Variants in HPCAL1 observed in about 807,000 individuals in gnomAD.
HPCAL1 encodes the protein hippocalcin-like protein 1.
A neutral mutation model predicts 17.1 loss-of-function variants in HPCAL1; 8 were observed. The observed-to-expected ratio is 0.47, with a 90% CI of 0.27 to 0.84. The LOEUF (loss-of-function observed/expected upper bound fraction) is 0.84. Among genes scored for constraint, HPCAL1 ranks in the 40% least tolerant of loss-of-function variants. The probability of loss-of-function intolerance (pLI) is 0.13; values close to 1 mark genes in which losing one functional copy is unlikely to be tolerated. For missense variants in HPCAL1, 165 were observed against 271.1 expected, an observed-to-expected ratio of 0.61 and a Z score of 2.75; for synonymous variants, 112 against 111.4, an observed-to-expected ratio of 1.01 and a Z score of -0.03.
chr2:10,413,424 A>G (rs1670470457), intron 2 of HPCAL1, among the ~76,000 whole-genome samples: 1 of 152,244 alleles, frequency 6.6e-6, no homozygotes, highest in Non-Finnish European at 1.5e-5. Flanking sequence ...CAACCACAGC[A>G]AGAGTGTCCA....
At chr2:10,303,296 TG>T (rs1662384292) in intron 1 of HPCAL1, 119 bp downstream of exon 1, 2 of 147,990 alleles carry the variant, frequency 1.4e-5, no homozygotes, top group African/African-American at 5.4e-5. Context: ...TGTGCGCGCG[TG>T]TGTGTGTCCG....
At chr2:10,350,724 T>G (rs1353226859) in intron 1 of HPCAL1, among the ~76,000 whole-genome samples, 2 of 152,140 alleles carry the variant, frequency 1.3e-5, no homozygotes, top group African/African-American at 4.8e-5. Context: ...TATAAAGAAC[T>G]CTTACAACTC....
intron 1 of HPCAL1, among the ~76,000 whole-genome samples, chr2:10,345,909 G>C (rs1427624260): frequency 6.6e-6 from 1 of 152,180 alleles, no homozygotes; most frequent in Non-Finnish European, 1.5e-5. Context: ...GCGAACTTTT[G>C]CCGTATTTTG....
rs914679129 is a variant in HPCAL1, at chr2:10,362,994, G to A, written c.-110-33841G>A. On this transcript the variant is annotated intron_variant, in intron 1 of 4. Transcript: ENST00000307845. The surrounding 1 kb of genome is among the most constrained non-coding windows in gnomAD (Gnocchi z 5.0). The stretch of plus-strand genomic sequence containing the variant: ...TTTGATGGTTCTCTCAGTGACTCAC[G>A]CCTGTAATCTCAGCATTTTGGGAGG... 2.6e-5 allele frequency among the ~76,000 whole-genome samples: 4 copies of A among 152,308 alleles called. No homozygotes were observed. The highest frequency in any genetic ancestry group is 4.4e-5 in the Non-Finnish European group (3 of 68,022).
At position 10,323,470 on chromosome 2, in the gene HPCAL1, C is replaced by T. The variant is rs777651432; in HGVS notation, c.-111+20293C>T. 5.9e-5 allele frequency among the ~76,000 whole-genome samples: 9 copies of T among 152,240 alleles called. No individual in the cohort carries two copies. Among genetic ancestry groups the T allele is most frequent in the Admixed American group, 2.6e-4 (4 of 15,286 alleles). The stretch of plus-strand genomic sequence containing the variant: ...GCCCCAGGCCTGCACCTGGCCCTGG[C>T]AGTGGGCGCACGTTAGGTGGGATTG... On this transcript the variant is annotated intron_variant, in intron 1 of 4. Transcript: ENST00000307845. This position sits in a 1 kb window ranked among gnomAD's most constrained non-coding sequence, Gnocchi z 4.6.
intron 1 of HPCAL1, among the ~76,000 whole-genome samples, chr2:10,382,499 G>A (rs950694786): frequency 9.9e-5 from 15 of 151,616 alleles, no homozygotes; most frequent in African/African-American, 3.4e-4. Flanking sequence ...AGCCACCCTG[G>A]TAGTAGGGAG....
intron 1 of HPCAL1, among the ~76,000 whole-genome samples, chr2:10,339,549 A>G (rs1309873365): frequency 2.6e-5 from 4 of 152,152 alleles, no homozygotes; most frequent in Non-Finnish European, 4.4e-5. Flanking sequence ...GAGTTTCACT[A>G]TGTTGGCCAG....
chr2:10,386,716 T>G (rs1186700726), intron 1 of HPCAL1, among the ~76,000 whole-genome samples: 1 of 152,146 alleles, frequency 6.6e-6, no homozygotes, highest in Non-Finnish European at 1.5e-5. Flanking sequence ...GGCAGGGGCC[T>G]TGGAGCTTGG....
chr2:10,319,306 T>C (rs2125399437), intron 1 of HPCAL1, among the ~76,000 whole-genome samples: 1 of 152,230 alleles, frequency 6.6e-6, no homozygotes, highest in South Asian at 2.1e-4. Flanking sequence ...GCCTGGAGGC[T>C]TGCAGGGGAA....
chr2:10,387,974 C>T (rs1026496331), intron 1 of HPCAL1, among the ~76,000 whole-genome samples: 8 of 152,252 alleles, frequency 5.3e-5, no homozygotes, highest in African/African-American at 1.7e-4. Context: ...GGTGAATGGC[C>T]ATGCAGGGGT....
At chr2:10,361,490 G>C (rs1056303457) in intron 1 of HPCAL1, among the ~76,000 whole-genome samples, 1 of 152,144 alleles carries the variant, frequency 6.6e-6, no homozygotes. Context: ...AACCAGTCAG[G>C]TTTAGGGACT....
In HPCAL1 at chr2:10,395,910, G is replaced by T. The variant is rs1239309031; in HGVS notation, c.-110-925G>T. 2.0e-5 allele frequency among the ~76,000 whole-genome samples: 3 copies of T among 152,180 alleles called. No homozygotes were observed. The highest frequency in any genetic ancestry group is 7.2e-5 in the African/African-American group (3 of 41,434). ...TTAGCAAGGAGCCTGGTTGTATAGA[G>T]CTGTCGGCCTCAACACTGTTAATAC... On this transcript the variant is annotated intron_variant, in intron 1 of 4. Coordinates refer to ENST00000307845, the MANE Select transcript of HPCAL1 (RefSeq NM_002149.4). The surrounding 1 kb of genome is among the most constrained non-coding windows in gnomAD (Gnocchi z 4.4).
chr2:10,356,931 T>G (rs926009638), intron 1 of HPCAL1, among the ~76,000 whole-genome samples: 8 of 152,106 alleles, frequency 5.3e-5, no homozygotes, highest in Non-Finnish European at 7.4e-5. Flanking sequence ...CTAGGCAACA[T>G]AGCAAGACCC....
intron 1 of HPCAL1, among the ~76,000 whole-genome samples, chr2:10,314,985 A>G (rs575761791): frequency 1.6e-4 from 25 of 152,342 alleles, no homozygotes; most frequent in African/African-American, 5.8e-4. Context: ...ATGTGGGGCT[A>G]GGAAGCAAGA....
In HPCAL1 at chr2:10,377,843, C is replaced by T. The variant is rs76167275; in HGVS notation, c.-110-18992C>T. On this transcript the variant is annotated intron_variant, in intron 1 of 4. Coordinates refer to ENST00000307845, the MANE Select transcript of HPCAL1 (RefSeq NM_002149.4). This position sits in a 1 kb window ranked among gnomAD's most constrained non-coding sequence, Gnocchi z 5.9. ...GTGAGCCACCGAGGGGGGCCAGGCACGGGGGAGGGTATTCAAGGGCGGCAA... is the reference window on the plus strand; with the variant it reads ...GTGAGCCACCGAGGGGGGCCAGGCATGGGGGAGGGTATTCAAGGGCGGCAA... Among the ~76,000 whole-genome samples the T allele has an allele frequency of 0.074, 11,221 of 152,174 alleles. 523 individuals are homozygous for T. Among genetic ancestry groups the T allele is most frequent in the Middle Eastern group, 0.16 (48 of 294 alleles).
chr2:10,397,725 C>T (rs1385575143), intron 2 of HPCAL1, among the ~76,000 whole-genome samples: 7 of 147,512 alleles, frequency 4.7e-5, no homozygotes. Context: ...GTCATCCTGC[C>T]AGCTCCCGAG....
intron 1 of HPCAL1, among the ~76,000 whole-genome samples, chr2:10,366,266 C>T (rs918875441): frequency 4.6e-5 from 7 of 152,130 alleles, no homozygotes; most frequent in South Asian, 2.1e-4. Flanking sequence ...AGACAGTTCT[C>T]GCTCTGTCGC....
rs577932609 is a variant in HPCAL1 at position 10,344,184 on chromosome 2, G to T, written c.-111+41007G>T. ...CCTACAGCTTTGATCTCGAAGTCTC[G>T]GCCGCTCCTGGCTCAGAGGACCCTG... On this transcript the variant is annotated intron_variant, in intron 1 of 4. Coordinates refer to ENST00000307845, the MANE Select transcript of HPCAL1 (RefSeq NM_002149.4). This position sits in a 1 kb window ranked among gnomAD's most constrained non-coding sequence, Gnocchi z 4.9. 2.0e-5 allele frequency among the ~76,000 whole-genome samples: 3 copies of T among 152,150 alleles called. No homozygotes were observed. Among genetic ancestry groups the T allele is most frequent in the African/African-American group, 4.8e-5 (2 of 41,434 alleles).
At chr2:10,399,086 C>T (rs969548474) in intron 2 of HPCAL1, among the ~76,000 whole-genome samples, 5 of 151,722 alleles carry the variant, frequency 3.3e-5, no homozygotes, top group Admixed American at 6.6e-5. Flanking sequence ...GGCTGATACC[C>T]GTGTCAAGAA....
Sources: gnomAD v4.1 joint callset for allele counts (sites outside exome capture counted in the v4.1 genomes callset) on GRCh38, gnomAD v4.1.1 for gene constraint, Gnocchi (gnomAD v3.1) non-coding constraint, MANE v1.5 for transcripts, NCBI Gene and HGNC (gene_info 2026-07-23, HGNC 2026-07-21) for gene names.